Variants in KIRREL3 observed in about 807,000 individuals in gnomAD.
KIRREL3 encodes kin of IRRE-like protein 3.
Under a neutral mutation model 89.7 loss-of-function variants are expected in KIRREL3, and 36 were observed. The observed-to-expected ratio is 0.40, with a 90% CI of 0.31 to 0.53. The LOEUF (loss-of-function observed/expected upper bound fraction) is 0.53, where lower values mean the gene tolerates loss of function less well. Among genes scored for constraint, KIRREL3 ranks in the 20% least tolerant of loss-of-function variants. The pLI is 0.49. For missense variants in KIRREL3, 864 were observed against 1,056.6 expected, an observed-to-expected ratio of 0.82 and a Z score of 2.53; for synonymous variants, 445 against 441.4, an observed-to-expected ratio of 1.01 and a Z score of -0.10.
chr11:126,717,881 G>T (rs538095165), intron 1 of KIRREL3, among the ~76,000 whole-genome samples: 1 of 152,284 alleles, frequency 6.6e-6, no homozygotes, highest in East Asian at 1.9e-4. Flanking sequence ...AGGGACTTTA[G>T]CAGTGAAATA....
chr11:126,557,898 G>T lies in KIRREL3; in HGVS notation c.133+4937C>A, dbSNP rs1380225216. 6.6e-6 allele frequency among the ~76,000 whole-genome samples: 1 copy of T among 152,200 alleles called. No individual in the cohort carries two copies. Among genetic ancestry groups the T allele is most frequent in the Non-Finnish European group, 1.5e-5 (1 of 68,036 alleles). ...GGAACCAGCTTTCCCCTTCCTGGGT[G>T]CTCCAGCTCTTCCCACACAGGGTAG... On this transcript the variant is annotated intron_variant, in intron 2 of 16. Coordinates refer to ENST00000525144, the MANE Select transcript of KIRREL3 (RefSeq NM_032531.4). The surrounding 1 kb of genome is among the most constrained non-coding windows in gnomAD (Gnocchi z 5.6).
rs1021662017 is a variant in KIRREL3 at position 126,744,922 on chromosome 11, T to C, written c.56-182010A>G. Among the ~76,000 whole-genome samples the C allele has an allele frequency of 2.6e-5, 4 of 151,016 alleles. No individual in the cohort carries two copies. The highest frequency in any genetic ancestry group is 7.3e-5 in the African/African-American group (3 of 41,078). ...GAAAAGTAGCTGAGAACTGGTTTAC[T>C]GAGGAAAGAAGTTGACTCACTTTCA... On this transcript the variant is annotated intron_variant, in intron 1 of 16. Transcript: ENST00000525144. This position sits in a 1 kb window ranked among gnomAD's most constrained non-coding sequence, Gnocchi z 4.7.
In KIRREL3 at chr11:126,669,868, A is replaced by G. The variant is rs1281022231; in HGVS notation, c.56-106956T>C. 6.6e-6 allele frequency among the ~76,000 whole-genome samples: 1 copy of G among 152,144 alleles called. No individual in the cohort carries two copies. Among genetic ancestry groups the G allele is most frequent in the Non-Finnish European group, 1.5e-5 (1 of 68,022 alleles). ...TTTTGGAGGTCTAATAATTACCGAAAACTGTAACATGTACAAAACAGACTT... is the reference window on the plus strand; with the variant it reads ...TTTTGGAGGTCTAATAATTACCGAAGACTGTAACATGTACAAAACAGACTT... On this transcript the variant is annotated intron_variant, in intron 1 of 16. Transcript: ENST00000525144. The surrounding 1 kb of genome is among the most constrained non-coding windows in gnomAD (Gnocchi z 5.0).
intron 1 of KIRREL3, among the ~76,000 whole-genome samples, chr11:126,809,025 A>AG (rs1444009736): frequency 6.6e-6 from 1 of 152,204 alleles, no homozygotes; most frequent in Non-Finnish European, 1.5e-5. Context: ...AGGAAAAAAA[A>AG]CAGGCAAGGA....
chr11:126,746,707 C>T (rs1012427531), intron 1 of KIRREL3, among the ~76,000 whole-genome samples: 1 of 152,210 alleles, frequency 6.6e-6, no homozygotes, highest in Non-Finnish European at 1.5e-5. Flanking sequence ...TGACCTGCCT[C>T]TTTCTACATG....
intron 8 of KIRREL3, among the ~76,000 whole-genome samples, chr11:126,447,821 T>A (rs778494470): frequency 8.5e-5 from 13 of 152,214 alleles, no homozygotes; most frequent in Non-Finnish European, 1.6e-4. Context: ...AGCACTTTCT[T>A]CGGAGGCTTC....
At chr11:126,509,991 C>CAAAAAAAAAAAAAAAAAAAAAA (rs58061522) in intron 4 of KIRREL3, among the ~76,000 whole-genome samples, 67 of 62,044 alleles carry the variant, frequency 1.1e-3, no homozygotes, top group East Asian at 2.4e-3. Context: ...GACTCCGTCT[C>CAAAAAAAAAAAAAAAAAAAAAA]AAAAAAAAAA....
At chr11:126,469,680 G>A (rs1956831694) in intron 5 of KIRREL3, among the ~76,000 whole-genome samples, 1 of 152,240 alleles carries the variant, frequency 6.6e-6, no homozygotes, top group Non-Finnish European at 1.5e-5. Flanking sequence ...TGGCCGTGGG[G>A]TGGACAGTTA....
intron 1 of KIRREL3, among the ~76,000 whole-genome samples, chr11:126,878,531 T>A (rs56400530): frequency 0.14 from 20,964 of 152,056 alleles, 1,486 homozygotes; most frequent in Middle Eastern, 0.17. Flanking sequence ...CCATATATAA[T>A]TTTTTTCTAA....
At chr11:126,517,899 T>C (rs779714457) in intron 4 of KIRREL3, among the ~76,000 whole-genome samples, 2 of 152,238 alleles carry the variant, frequency 1.3e-5, no homozygotes, top group Non-Finnish European at 2.9e-5. Flanking sequence ...AGTCTAATGC[T>C]GTTTCCGTGA....
intron 1 of KIRREL3, among the ~76,000 whole-genome samples, chr11:126,770,997 G>A (rs1950003417): frequency 1.3e-5 from 2 of 152,118 alleles, no homozygotes; most frequent in Non-Finnish European, 1.5e-5. Flanking sequence ...CACCAGGCCT[G>A]GCTAATTTTT....
intron 1 of KIRREL3, among the ~76,000 whole-genome samples, chr11:126,819,761 T>C (rs939528): frequency 0.86 from 131,501 of 152,278 alleles, 57,132 homozygotes; most frequent in East Asian, 1. Context: ...AATGTACTTA[T>C]AGCCTTTTGC....
At position 126,521,482 on chromosome 11, in the gene KIRREL3, A is replaced by T; in HGVS notation, c.284-18T>A. The stretch of plus-strand genomic sequence containing the variant: ...TGGGTAACCTGTGGAGACAACAGGC[A>T]GGTCAGGGAGCTGGGGTGGGGTGGA... On this transcript the variant is annotated intron_variant, in intron 3 of 16. Transcript: ENST00000525144. This position sits in a 1 kb window ranked among gnomAD's most constrained non-coding sequence, Gnocchi z 4.1. 6.4e-7 allele frequency: 1 copy of T among 1,573,208 alleles called. No homozygotes were observed. Among genetic ancestry groups the T allele is most frequent in the African/African-American group, 1.3e-5 (1 of 74,304 alleles).
chr11:126,862,678 A>G (rs1944742640), intron 1 of KIRREL3, among the ~76,000 whole-genome samples: 1 of 152,130 alleles, frequency 6.6e-6, no homozygotes, highest in South Asian at 2.1e-4. Context: ...TTCCCCAGTC[A>G]CTATCGACTA....
chr11:126,788,915 AT>A lies in KIRREL3; in HGVS notation c.55+211539del. On this transcript the variant is annotated intron_variant, in intron 1 of 16. Coordinates refer to ENST00000525144, the MANE Select transcript of KIRREL3 (RefSeq NM_032531.4). The surrounding 1 kb of genome is among the most constrained non-coding windows in gnomAD (Gnocchi z 4.1). ...TCATTATTATCAAAGAGTGTCATGTATTAAGCATCTACTGGAGTGTGAGGCT... is the reference window on the plus strand; with the variant it reads ...TCATTATTATCAAAGAGTGTCATGTATAAGCATCTACTGGAGTGTGAGGCT... 6.6e-6 allele frequency among the ~76,000 whole-genome samples: 1 copy of A among 152,314 alleles called. No individual in the cohort carries two copies. Among genetic ancestry groups the A allele is most frequent in the African/African-American group, 2.4e-5 (1 of 41,560 alleles).
chr11:126,660,039 C>A (rs1396868530), intron 1 of KIRREL3, among the ~76,000 whole-genome samples: 1 of 152,166 alleles, frequency 6.6e-6, no homozygotes, highest in Admixed American at 6.5e-5. Flanking sequence ...TAAGCAGGGA[C>A]AATTGCGCAG....
Position 126,744,647 on chromosome 11 carries a change from A to C in KIRREL3, c.56-181735T>G, listed in dbSNP as rs990165174. On this transcript the variant is annotated intron_variant, in intron 1 of 16. Transcript: ENST00000525144. The surrounding 1 kb of genome is among the most constrained non-coding windows in gnomAD (Gnocchi z 4.7). ...ACTCAGAGCCTTTCCAGGCTAAGCC[A>C]GGGCTCCCTGGCGTGTGCCCCATGG... Among the ~76,000 whole-genome samples, 5 of 152,240 alleles carry C rather than the reference A, an allele frequency of 3.3e-5. No homozygotes were observed. The highest frequency in any genetic ancestry group is 1.2e-4 in the African/African-American group (5 of 41,468).
chr11:126,608,009 A>G lies in KIRREL3; in HGVS notation c.56-45097T>C, dbSNP rs1942958980. ...GTCAGCTGTCTCCAGGGCCTTTCTC[A>G]TCATCTCCCGTGCCTGCCGTGCTGT... On this transcript the variant is annotated intron_variant, in intron 1 of 16. Transcript: ENST00000525144. The surrounding 1 kb of genome is among the most constrained non-coding windows in gnomAD (Gnocchi z 4.9). 6.6e-6 allele frequency among the ~76,000 whole-genome samples: 1 copy of G among 152,110 alleles called. No individual in the cohort carries two copies. Among genetic ancestry groups the G allele is most frequent in the Non-Finnish European group, 1.5e-5 (1 of 68,018 alleles).
chr11:126,663,443 C>G (rs2135025024), intron 1 of KIRREL3, among the ~76,000 whole-genome samples: 1 of 152,144 alleles, frequency 6.6e-6, no homozygotes, highest in South Asian at 2.1e-4. Flanking sequence ...CCTCGGCCTC[C>G]CAACGTGCTG....
Sources: gnomAD v4.1 joint callset for allele counts (sites outside exome capture counted in the v4.1 genomes callset) on GRCh38, gnomAD v4.1.1 for gene constraint, Gnocchi (gnomAD v3.1) non-coding constraint, MANE v1.5 for transcripts, NCBI Gene and HGNC (gene_info 2026-07-23, HGNC 2026-07-21) for gene names.